The following MAB21L4 variants were observed in gnomAD, a reference collection of about 807,000 sequenced individuals.
The protein encoded by MAB21L4 is mab-21 like 4, also known as protein mab-21-like 4.
In MAB21L4, 25 loss-of-function variants were observed where a neutral mutation model predicts 32.4. The observed-to-expected ratio is 0.77, with a 90% CI of 0.56 to 1.08. The LOEUF (loss-of-function observed/expected upper bound fraction) is 1.08, where lower values mean the gene tolerates loss of function less well. Among genes scored for constraint, MAB21L4 ranks in the 50% least tolerant of loss-of-function variants. MAB21L4 has a pLI of 0.00. For synonymous variants in MAB21L4, 280 were observed against 276.8 expected, an observed-to-expected ratio of 1.01 and a Z score of -0.11; for missense variants, 638 against 611.0, an observed-to-expected ratio of 1.04 and a Z score of -0.47.
chr2:240,893,455 G>A (rs2059166732), intron 1 of MAB21L4, among the ~76,000 whole-genome samples: 1 of 152,218 alleles, frequency 6.6e-6, no homozygotes, highest in Admixed American at 6.5e-5. Context: ...CGCCTCTAGT[G>A]GCCACACACC....
intron 2 of MAB21L4, among the ~76,000 whole-genome samples, chr2:240,891,198 C>T (rs1312529689): frequency 1.3e-5 from 2 of 152,206 alleles, no homozygotes. Context: ...CTCTGGGAAC[C>T]CACCTGCCTG....
rs371612851 is a variant in MAB21L4 at position 240,890,037 on chromosome 2, G to A, written c.862C>T (p.Gln288Ter). ...TGGCCAAAGGTCAGGCCGTCAGTCTGGCCACTGTCACGCCAGCTCTCGTGG... is the reference window on the plus strand; with the variant it reads ...TGGCCAAAGGTCAGGCCGTCAGTCTAGCCACTGTCACGCCAGCTCTCGTGG... ...VNHESWRDSG[Q>*]TDGLTFGHLK... Residue 288 changes from glutamine (Q) to a stop codon, truncating the protein, a stop_gained, in exon 3 of 5, where the codon CAG becomes TAG. Coordinates refer to ENST00000388934, the MANE Select transcript of MAB21L4 (RefSeq NM_001085437.3). LOFTEE classifies it high-confidence loss of function. The A allele has an allele frequency of 2.0e-5, 33 of 1,612,922 alleles. No individual in the cohort carries two copies. Among genetic ancestry groups the A allele is most frequent in the Non-Finnish European group, 2.7e-5 (32 of 1,179,380 alleles).
Position 240,896,122 on chromosome 2 carries a change from T to C in MAB21L4, c.-125A>G. The C allele has an allele frequency of 7.4e-7, 1 of 1,351,734 alleles. No individual in the cohort carries two copies. The highest frequency in any genetic ancestry group is 2.2e-5 in the South Asian group (1 of 45,846). The allele number at this position is 1,351,734 out of a possible 1,614,324, so 83.7% of individuals were successfully genotyped here. On this transcript the variant is annotated 5_prime_UTR_variant, in exon 1 of 5. Transcript: ENST00000388934. ...GCAGGTCTGCAGGTGGGGCCTCAGC[T>C]CCCACACAGCAGAATTCCAGAGTGA...
chr2:240,894,602 C>T (rs765462237), intron 1 of MAB21L4, among the ~76,000 whole-genome samples: 1 of 152,148 alleles, frequency 6.6e-6, no homozygotes, highest in Non-Finnish European at 1.5e-5. Flanking sequence ...GTCAGAAGTT[C>T]GAGACCAGCC....
chr2:240,888,158 T>A, intron 4 of MAB21L4, 134 bp downstream of exon 4: 1 of 715,072 alleles, frequency 1.4e-6, no homozygotes, highest in Non-Finnish European at 2.2e-6. Flanking sequence ...ACGCTCTCCA[T>A]CCGAGCCCTG....
At chr2:240,888,204 G>C in intron 4 of MAB21L4, 88 bp downstream of exon 4, 1 of 1,100,090 alleles carries the variant, frequency 9.1e-7, no homozygotes, top group East Asian at 2.8e-5. Flanking sequence ...GCTGACCTGG[G>C]AGAGAATGGG....
rs750686303 is a variant in MAB21L4 at position 240,891,730 on chromosome 2, T to G, written c.548A>C (p.Gln183Pro). 4 of 1,609,834 alleles carry G rather than the reference T, an allele frequency of 2.5e-6. No homozygotes were observed. Among genetic ancestry groups the G allele is most frequent in the Non-Finnish European group, 2.5e-6 (3 of 1,179,818 alleles). The change falls in exon 2 of 5, where the codon CAG becomes CCG. Residue 183 changes from glutamine to proline, a missense_variant. Coordinates refer to ENST00000388934, the MANE Select transcript of MAB21L4 (RefSeq NM_001085437.3). The part of the protein sequence containing the change: ...SLNAASLREE[Q>P]LHLSLLVSSG... ...GGACACCAGCAAGGACAGGTGGAGC[T>G]GCTCCTCCCTCAGGCTGGCCGCGTT...
chr2:240,889,023 C>T (rs753156640), intron 3 of MAB21L4, among the ~76,000 whole-genome samples: 2 of 152,118 alleles, frequency 1.3e-5, no homozygotes, highest in Non-Finnish European at 2.9e-5. Flanking sequence ...TGCAGCCCAA[C>T]CCAACGGGCC....
intron 2 of MAB21L4, among the ~76,000 whole-genome samples, chr2:240,890,953 C>T (rs1422891976): frequency 6.6e-6 from 1 of 152,208 alleles, no homozygotes; most frequent in African/African-American, 2.4e-5. Context: ...GGGACATAAC[C>T]AGCTTTGCAA....
At chr2:240,894,579 C>T (rs1313518963) in intron 1 of MAB21L4, among the ~76,000 whole-genome samples, 1 of 152,154 alleles carries the variant, frequency 6.6e-6, no homozygotes, top group Non-Finnish European at 1.5e-5. Flanking sequence ...CCCAGGTGGG[C>T]GGATCATCTG....
intron 4 of MAB21L4, 124 bp from the exon 5 acceptor site, chr2:240,887,286 C>A: frequency 1.3e-6 from 1 of 753,970 alleles, no homozygotes. Context: ...CCTTCCTGCC[C>A]CGGGTATCTG....
intron 2 of MAB21L4, 70 bp downstream of exon 2, chr2:240,891,468 G>A: frequency 7.1e-7 from 1 of 1,407,410 alleles, no homozygotes; most frequent in South Asian, 1.4e-5. Flanking sequence ...CTGGGGCCAG[G>A]GGAGCATGGG....
In MAB21L4 at chr2:240,896,060, C is replaced by G; in HGVS notation, c.-63G>C. On this transcript the variant is annotated 5_prime_UTR_variant, in exon 1 of 5. Transcript: ENST00000388934. Reference sequence around the variant, plus strand: ...AGGAGGACTCCGCAGGCCAGCTGTGCAGATGGGCTGTGAGGAGGCACCTGC... The same window carrying G: ...AGGAGGACTCCGCAGGCCAGCTGTGGAGATGGGCTGTGAGGAGGCACCTGC... 7.1e-7 allele frequency: 1 copy of G among 1,402,634 alleles called. No individual in the cohort carries two copies. Among genetic ancestry groups the G allele is most frequent in the Non-Finnish European group, 9.2e-7 (1 of 1,084,232 alleles). 86.9% of individuals were successfully genotyped at this position (1,402,634 alleles called of 1,614,324 possible).
chr2:240,892,057 G>GTA, intron 1 of MAB21L4: 20 of 1,449,194 alleles, frequency 1.4e-5, no homozygotes, highest in Non-Finnish European at 1.7e-5. Context: ...CGTCCTACAT[G>GTA]AGGTTTTCCT....
intron 3 of MAB21L4, among the ~76,000 whole-genome samples, chr2:240,889,193 C>T (rs1216051427): frequency 6.6e-6 from 1 of 152,240 alleles, no homozygotes; most frequent in African/African-American, 2.4e-5. Context: ...ACCCTCTTCT[C>T]CCATGGCCTC....
chr2:240,888,652 C>T lies in MAB21L4; in HGVS notation c.895-4G>A, dbSNP rs1252864543. The T allele has an allele frequency of 2.6e-6, 4 of 1,539,002 alleles. No individual in the cohort carries two copies. Among genetic ancestry groups the T allele is most frequent in the Admixed American group, 1.9e-5 (1 of 52,998 alleles). ...CAGAGGCCCACAGCAGCACCATCTGCAGGACAGCAGGGTCAGCCCTGGCCT... is the reference window on the plus strand; with the variant it reads ...CAGAGGCCCACAGCAGCACCATCTGTAGGACAGCAGGGTCAGCCCTGGCCT... On this transcript the variant is annotated splice_polypyrimidine_tract_variant and splice_region_variant and intron_variant, in intron 3 of 4. Transcript: ENST00000388934.
chr2:240,891,013 C>T (rs970487423), intron 2 of MAB21L4, among the ~76,000 whole-genome samples: 4 of 152,188 alleles, frequency 2.6e-5, no homozygotes, highest in South Asian at 2.1e-4. Context: ...GCAAGTGAGG[C>T]GGGGTGAGCC....
chr2:240,891,985 A>C (rs376900527), intron 1 of MAB21L4: 1 of 1,534,608 alleles, frequency 6.5e-7, no homozygotes, highest in Non-Finnish European at 8.8e-7. Context: ...TGCCTGCCCA[A>C]TGGTGACAGT....
At position 240,895,863 on chromosome 2, in the gene MAB21L4, C is replaced by T. The variant is rs528371316; in HGVS notation, c.135G>A (p.Thr45=). 6 of 1,561,298 alleles carry T rather than the reference C, an allele frequency of 3.8e-6. No homozygotes were observed. The highest frequency in any genetic ancestry group is 3.7e-5 in the Admixed American group (2 of 54,714). Residue 45 remains threonine (T), a synonymous_variant, in exon 1 of 5, where the codon ACG becomes ACA. Coordinates refer to ENST00000388934, the MANE Select transcript of MAB21L4 (RefSeq NM_001085437.3). ...CCAGGGCATGCACGCGCTCCAGCACCGTGAGCAGCACGTTCTCTGCGCGCT... is the reference window on the plus strand; with the variant it reads ...CCAGGGCATGCACGCGCTCCAGCACTGTGAGCAGCACGTTCTCTGCGCGCT... ...DFQRAENVLL[T]VLERVHALDP...
Sources: gnomAD v4.1 joint callset for allele counts (sites outside exome capture counted in the v4.1 genomes callset) on GRCh38, gnomAD v4.1.1 for gene constraint, MANE v1.5 for transcripts, NCBI Gene and HGNC (gene_info 2026-07-23, HGNC 2026-07-21) for gene names.